Variants in SNTG1 observed in about 807,000 individuals in gnomAD.
SNTG1 encodes the protein gamma-1-syntrophin.
In SNTG1, 39 loss-of-function variants were observed where a neutral mutation model predicts 74.7. That is an observed-to-expected ratio of 0.52 (90% CI 0.40 to 0.68). The LOEUF (loss-of-function observed/expected upper bound fraction) is 0.68. Ranked by LOEUF, SNTG1 falls within the 30% of genes least tolerant of loss-of-function variation. The pLI is 0.00. For missense variants in SNTG1, 685 were observed against 609.5 expected (o/e 1.12, Z -1.30); for synonymous variants, 254 against 217.1 (o/e 1.17, Z -1.49).
intron 12 of SNTG1, among the ~76,000 whole-genome samples, chr8:50,570,841 T>C (rs954104625): frequency 3.3e-5 from 5 of 151,972 alleles, no homozygotes; most frequent in East Asian, 1.9e-4. Context: ...ATTGACCTTG[T>C]GATCTGCCTG....
chr8:50,261,915 T>A (rs1475250016), intron 2 of SNTG1, among the ~76,000 whole-genome samples: 1 of 152,124 alleles, frequency 6.6e-6, no homozygotes, highest in Non-Finnish European at 1.5e-5. Context: ...CATATATGAA[T>A]GTAAATTTAT....
intron 2 of SNTG1, among the ~76,000 whole-genome samples, chr8:50,207,289 T>G (rs2084292173): frequency 6.6e-6 from 1 of 152,204 alleles, no homozygotes; most frequent in Non-Finnish European, 1.5e-5. Flanking sequence ...CCTGGTTTAG[T>G]CTTGGGAGGG....
intron 1 of SNTG1, among the ~76,000 whole-genome samples, chr8:50,090,220 T>C (rs2079668307): frequency 6.6e-6 from 1 of 152,184 alleles, no homozygotes; most frequent in Non-Finnish European, 1.5e-5. Flanking sequence ...GCTGTTTCAC[T>C]TGCAAGTGAC....
chr8:50,177,862 T>G (rs2083057347), intron 2 of SNTG1, among the ~76,000 whole-genome samples: 2 of 152,134 alleles, frequency 1.3e-5, no homozygotes, highest in Non-Finnish European at 2.9e-5. Context: ...CCCCTACGCT[T>G]CTCTTATTTA....
chr8:50,482,320 G>T (rs567173741), intron 8 of SNTG1, among the ~76,000 whole-genome samples: 7 of 152,194 alleles, frequency 4.6e-5, no homozygotes, highest in Non-Finnish European at 7.3e-5. Flanking sequence ...AGAATGACGG[G>T]ACTTCAAAGG....
At chr8:49,967,869 T>C (rs1811288912) in intron 1 of SNTG1, among the ~76,000 whole-genome samples, 1 of 152,158 alleles carries the variant, frequency 6.6e-6, no homozygotes, top group African/African-American at 2.4e-5. Context: ...CATTTGTAGT[T>C]TAAGATCATG....
At chr8:50,064,199 G>A (rs998657855) in intron 1 of SNTG1, among the ~76,000 whole-genome samples, 1 of 152,168 alleles carries the variant, frequency 6.6e-6, no homozygotes, top group African/African-American at 2.4e-5. Context: ...GCATCATCAC[G>A]TGTAAGATGA....
intron 2 of SNTG1, among the ~76,000 whole-genome samples, chr8:50,329,717 C>T (rs1254666040): frequency 1.3e-5 from 2 of 152,116 alleles, no homozygotes; most frequent in East Asian, 1.9e-4. Context: ...CTCTGACAAG[C>T]CCTCGAGACA....
At chr8:50,380,046 T>C (rs1186039573) in intron 2 of SNTG1, among the ~76,000 whole-genome samples, 1 of 152,206 alleles carries the variant, frequency 6.6e-6, no homozygotes, top group East Asian at 1.9e-4. Flanking sequence ...CCCACAGATT[T>C]TGAAATCACC....
chr8:50,741,022 G>GA (rs1293021395), intron 17 of SNTG1, among the ~76,000 whole-genome samples: 9 of 151,958 alleles, frequency 5.9e-5, no homozygotes, highest in Non-Finnish European at 4.4e-5. Context: ...AGAAGAGCAG[G>GA]AAAAATAACT....
intron 13 of SNTG1, among the ~76,000 whole-genome samples, chr8:50,616,671 A>G (rs2094887383): frequency 6.6e-6 from 1 of 152,196 alleles, no homozygotes; most frequent in Non-Finnish European, 1.5e-5. Flanking sequence ...AGCCAAAGCC[A>G]ATCAACAAGA....
At chr8:50,792,514 C>A (rs181073740) in intron 18 of SNTG1, among the ~76,000 whole-genome samples, 157 bp from the exon 19 acceptor site, 1 of 151,670 alleles carries the variant, frequency 6.6e-6, no homozygotes, top group African/African-American at 2.4e-5. Flanking sequence ...GATGTTTACA[C>A]GTTGACCAAA....
At chr8:49,916,351 A>G (rs1375385352) in intron 1 of SNTG1, among the ~76,000 whole-genome samples, 1 of 152,128 alleles carries the variant, frequency 6.6e-6, no homozygotes. Context: ...CATTCTACAC[A>G]CTGAAAGAGT....
chr8:50,374,713 A>T (rs553779513), intron 2 of SNTG1, among the ~76,000 whole-genome samples: 6 of 152,338 alleles, frequency 3.9e-5, no homozygotes, highest in Admixed American at 3.9e-4. Flanking sequence ...TGCCCAAATC[A>T]ATGTGAACTG....
chr8:50,032,841 T>G (rs1384848604), intron 1 of SNTG1, among the ~76,000 whole-genome samples: 2 of 152,160 alleles, frequency 1.3e-5, no homozygotes, highest in Non-Finnish European at 2.9e-5. Context: ...ACCATCAAAT[T>G]AGCCAATTAG....
At chr8:50,742,704 T>C (rs958247540) in intron 17 of SNTG1, among the ~76,000 whole-genome samples, 3 of 151,296 alleles carry the variant, frequency 2.0e-5, no homozygotes, top group Non-Finnish European at 4.4e-5. Context: ...AAAAATAAAA[T>C]AGATACTAGA....
chr8:50,354,414 T>C (rs1055348575), intron 2 of SNTG1, among the ~76,000 whole-genome samples: 1 of 152,196 alleles, frequency 6.6e-6, no homozygotes, highest in Non-Finnish European at 1.5e-5. Context: ...CCATTTTTTG[T>C]ACTAGATTTT....
intron 2 of SNTG1, among the ~76,000 whole-genome samples, chr8:50,358,386 C>T (rs192440545): frequency 6.6e-6 from 1 of 152,302 alleles, no homozygotes; most frequent in Non-Finnish European, 1.5e-5. Context: ...CCAATGAGTT[C>T]CATGTGTCCT....
intron 2 of SNTG1, among the ~76,000 whole-genome samples, chr8:50,300,500 G>C (rs1363864691): frequency 1.3e-5 from 2 of 152,010 alleles, no homozygotes; most frequent in Admixed American, 6.6e-5. Context: ...GGGAAAAAAA[G>C]TATTTCAAAG....
Sources: gnomAD v4.1 joint callset for allele counts (sites outside exome capture counted in the v4.1 genomes callset) on GRCh38, gnomAD v4.1.1 for gene constraint, MANE v1.5 for transcripts, NCBI Gene and HGNC (gene_info 2026-07-23, HGNC 2026-07-21) for gene names.